OR2A12: variants seen among roughly 807,000 people sequenced by gnomAD.
The protein encoded by OR2A12 is olfactory receptor 2A12.
For synonymous variants in OR2A12, 153 were observed against 149.3 expected, an observed-to-expected ratio of 1.02 and a Z score of -0.18; for missense variants, 380 against 372.5, an observed-to-expected ratio of 1.02 and a Z score of -0.17.
chr7:144,087,504 G>A (rs867963633), intron 1 of OR2A12, among the ~76,000 whole-genome samples: 8 of 152,056 alleles, frequency 5.3e-5, no homozygotes, highest in African/African-American at 9.7e-5. Flanking sequence ...GTGGAAATAC[G>A]GTAAAATATT....
In OR2A12 at chr7:144,095,782, G is replaced by A. The variant is rs1479378034; in HGVS notation, c.675G>A (p.Leu225=). ...ACTTGCACATCCTGGTGGCCATCTT[G>A]AGGATCCAGTCTGGGGAGGGCCGCA... ...VSYLHILVAI[L]RIQSGEGRRK... Residue 225 remains leucine (L), a synonymous_variant, in exon 2 of 2, where the codon TTG becomes TTA. Coordinates refer to ENST00000641592, the MANE Select transcript of OR2A12 (RefSeq NM_001004135.2). The A allele has an allele frequency of 6.2e-7, 1 of 1,613,982 alleles. No homozygotes were observed. Among genetic ancestry groups the A allele is most frequent in the Admixed American group, 1.7e-5 (1 of 59,998 alleles).
chr7:144,096,692 T>G lies in OR2A12; in HGVS notation c.*652T>G, dbSNP rs1465083758. 6.6e-6 allele frequency: 1 copy of G among 152,022 alleles called. No homozygotes were observed. The highest frequency in any genetic ancestry group is 2.4e-5 in the African/African-American group (1 of 41,372). The allele number at this position is 152,022 out of a possible 1,614,324, so 9.4% of individuals were successfully genotyped here. ...CTTAAAATGCAGCAATAATTTAACA[T>G]TAAAACAAACAACAAAAATAACTTC... On this transcript the variant is annotated 3_prime_UTR_variant, in exon 2 of 2. Transcript: ENST00000641592.
rs2051269322 is a variant in OR2A12, at chr7:144,096,981, T to A, written c.*941T>A. 1 of 152,024 alleles carries A rather than the reference T, an allele frequency of 6.6e-6. No homozygotes were observed. Among genetic ancestry groups the A allele is most frequent in the African/African-American group, 2.4e-5 (1 of 41,364 alleles). The allele number at this position is 152,024 out of a possible 1,614,324, so 9.4% of individuals were successfully genotyped here. A position where few individuals can be genotyped will look rare whatever the true frequency, so the allele number is the denominator to read the frequency against. On this transcript the variant is annotated 3_prime_UTR_variant, in exon 2 of 2. Transcript: ENST00000641592. ...TCTTGATTTCACTTTTTACTAGAGA[T>A]CCTAACCAATACAGTTAGACAAAAA...
intron 1 of OR2A12, among the ~76,000 whole-genome samples, chr7:144,091,087 T>C (rs1425563824): frequency 6.6e-6 from 1 of 152,264 alleles, no homozygotes; most frequent in East Asian, 1.9e-4. Context: ...ATTCTGTTTT[T>C]AGTTCTTTAA....
chr7:144,087,411 T>C (rs188483631), intron 1 of OR2A12, among the ~76,000 whole-genome samples: 49 of 152,332 alleles, frequency 3.2e-4, no homozygotes, highest in Non-Finnish European at 6.2e-4. Context: ...GTCTTCATCT[T>C]ATGGAAACCC....
chr7:144,090,537 C>T (rs541370975), intron 1 of OR2A12, among the ~76,000 whole-genome samples: 13 of 152,090 alleles, frequency 8.5e-5, no homozygotes, highest in African/African-American at 3.1e-4. Flanking sequence ...TCTTTTTCTT[C>T]TTTTAACTTT....
intron 1 of OR2A12, among the ~76,000 whole-genome samples, chr7:144,087,161 T>G (rs924196536): frequency 2.6e-5 from 4 of 152,226 alleles, no homozygotes; most frequent in African/African-American, 7.2e-5. Context: ...CTGTGATTTC[T>G]TCATTTCTTC....
chr7:144,096,235 A>T lies in OR2A12; in HGVS notation c.*195A>T, dbSNP rs1461653082. ...TTTGGGAGGCTGACCTGGGCGGATT[A>T]CCTGAGGTCAGGAGTTCGAGACCAG... is the stretch of plus-strand genomic sequence containing the variant. On this transcript the variant is annotated 3_prime_UTR_variant, in exon 2 of 2. Coordinates refer to ENST00000641592, the MANE Select transcript of OR2A12 (RefSeq NM_001004135.2). The T allele has an allele frequency of 4.3e-6, 2 of 465,288 alleles. No individual in the cohort carries two copies. Among genetic ancestry groups the T allele is most frequent in the African/African-American group, 3.9e-5 (2 of 50,702 alleles). The allele number at this position is 465,288 out of a possible 1,614,324, so 28.8% of individuals were successfully genotyped here.
At chr7:144,089,867 A>C (rs2051215863) in intron 1 of OR2A12, among the ~76,000 whole-genome samples, 1 of 152,206 alleles carries the variant, frequency 6.6e-6, no homozygotes, top group Non-Finnish European at 1.5e-5. Context: ...ATTGTTTATA[A>C]AATTTACTGA....
At chr7:144,093,640 G>A (rs13232343) in intron 1 of OR2A12, among the ~76,000 whole-genome samples, 28,003 of 101,986 alleles carry the variant, frequency 0.27, 2,994 homozygotes, top group African/African-American at 0.41. Flanking sequence ...CCCCCACCCC[G>A]CAACAGGCCC....
At chr7:144,087,382 T>C (rs956103811) in intron 1 of OR2A12, among the ~76,000 whole-genome samples, 1 of 152,218 alleles carries the variant, frequency 6.6e-6, no homozygotes, top group Non-Finnish European at 1.5e-5. Context: ...TTTTCCTGAT[T>C]TGTGTACCAA....
Position 144,094,968 on chromosome 7 carries a change from G to A in OR2A12, c.-51-89G>A, listed in dbSNP as rs1254374615. ...TGTAAGTCAACATCATAGGACTTTGGGCTGGATGTACCCATGAAATACTGA... is the reference window on the plus strand; with the variant it reads ...TGTAAGTCAACATCATAGGACTTTGAGCTGGATGTACCCATGAAATACTGA... On this transcript the variant is annotated intron_variant, in intron 1 of 1. Transcript: ENST00000641592. 11 of 600,600 alleles carry A rather than the reference G, an allele frequency of 1.8e-5. No individual in the cohort carries two copies. The East Asian group carries it at 2.8e-4, about 15-fold the overall frequency. 37.2% of individuals were successfully genotyped at this position (600,600 alleles called of 1,614,324 possible).
rs9655672 is a variant in OR2A12 at position 144,095,774 on chromosome 7, G to A, written c.667G>A (p.Ala223Thr). The stretch of plus-strand genomic sequence containing the variant: ...GGTCTCCTACTTGCACATCCTGGTG[G>A]CCATCTTGAGGATCCAGTCTGGGGA... ...VLVSYLHILVAILRIQSGEGR... is the reference protein window; with the variant it reads ...VLVSYLHILVTILRIQSGEGR... The change falls in exon 2 of 2, where the codon GCC becomes ACC. Residue 223 changes from alanine (A) to threonine (T), a missense_variant. Physicochemically the swap from Ala to Thr is moderately conservative, Grantham distance 58. Coordinates refer to ENST00000641592, the MANE Select transcript of OR2A12 (RefSeq NM_001004135.2). 1,831 of 1,614,050 alleles carry A rather than the reference G, an allele frequency of 1.1e-3. 30 individuals carry two copies. The African/African-American group carries it at 0.02, about 18-fold the overall frequency.
Position 144,098,275 on chromosome 7 carries a change from C to T in OR2A12, c.*2235C>T, listed in dbSNP as rs1586903553. ...GTTTACAATCAGTAATATACAAGATCGTCGTACACATCAATTTTGTCTTGT... is the reference window on the plus strand; with the variant it reads ...GTTTACAATCAGTAATATACAAGATTGTCGTACACATCAATTTTGTCTTGT... On this transcript the variant is annotated 3_prime_UTR_variant, in exon 2 of 2. Transcript: ENST00000641592. The T allele has an allele frequency of 6.6e-6, 1 of 152,040 alleles. No homozygotes were observed. Among genetic ancestry groups the T allele is most frequent in the African/African-American group, 2.4e-5 (1 of 41,406 alleles). 9.4% of individuals were successfully genotyped at this position (152,040 alleles called of 1,614,324 possible).
In OR2A12 at chr7:144,098,189, T is replaced by A. The variant is rs1333988498; in HGVS notation, c.*2149T>A. On this transcript the variant is annotated 3_prime_UTR_variant, in exon 2 of 2. Coordinates refer to ENST00000641592, the MANE Select transcript of OR2A12 (RefSeq NM_001004135.2). ...CATATCTCTTCAGTCTGTCTTTTTA[T>A]GGCATTATTAAGTACTTGAAGTTTT... 6.6e-6 allele frequency: 1 copy of A among 152,212 alleles called. No individual in the cohort carries two copies. Among genetic ancestry groups the A allele is most frequent in the Non-Finnish European group, 1.5e-5 (1 of 68,032 alleles). 9.4% of individuals were successfully genotyped at this position (152,212 alleles called of 1,614,324 possible). A position where few individuals can be genotyped will look rare whatever the true frequency, so the allele number is the denominator to read the frequency against.
In OR2A12 at chr7:144,098,104, T is replaced by TC. The variant is rs2051279927; in HGVS notation, c.*2068dup. ...GATTTATCAGCTCTCAAGCAGTACA[T>TC]CCCCAAAGACCAGCATATTTCAGAG... On this transcript the variant is annotated 3_prime_UTR_variant, in exon 2 of 2. Transcript: ENST00000641592. 6.6e-6 allele frequency: 1 copy of TC among 152,154 alleles called. No homozygotes were observed. The highest frequency in any genetic ancestry group is 2.4e-5 in the African/African-American group (1 of 41,414). 9.4% of individuals were successfully genotyped at this position (152,154 alleles called of 1,614,324 possible).
Position 144,098,707 on chromosome 7 carries a change from G to C in OR2A12, c.*2667G>C, listed in dbSNP as rs370323021. ...GGGACTTTCTTCTGGCTTTCAGAGA[G>C]TGTCTTCCCACTGTGTCTACACATG... On this transcript the variant is annotated 3_prime_UTR_variant, in exon 2 of 2. Coordinates refer to ENST00000641592, the MANE Select transcript of OR2A12 (RefSeq NM_001004135.2). The C allele has an allele frequency of 6.6e-6, 1 of 152,296 alleles. No homozygotes were observed. Among genetic ancestry groups the C allele is most frequent in the East Asian group, 1.9e-4 (1 of 5,174 alleles). 9.4% of individuals were successfully genotyped at this position (152,296 alleles called of 1,614,324 possible). A position where few individuals can be genotyped will look rare whatever the true frequency, so the allele number is the denominator to read the frequency against.
In OR2A12 at chr7:144,095,141, A is replaced by T; in HGVS notation, c.34A>T (p.Ile12Phe). 1.2e-6 allele frequency: 2 copies of T among 1,612,760 alleles called. No individual in the cohort carries two copies. Among genetic ancestry groups the T allele is most frequent in the Non-Finnish European group, 1.7e-6 (2 of 1,179,330 alleles). The part of the protein sequence containing the change: ...ESNQTWITEV[I>F]LLGFQVDPAL... ...CAATCAGACCTGGATCACAGAAGTC[A>T]TCCTGTTGGGATTCCAGGTGGACCC... Residue 12 changes from isoleucine (I) to phenylalanine (F), a missense_variant, in exon 2 of 2, where the codon ATC becomes TTC. Ile to Phe is a conservative substitution (Grantham distance 21). Transcript: ENST00000641592.
intron 1 of OR2A12, among the ~76,000 whole-genome samples, chr7:144,087,587 A>G (rs1406680083): frequency 6.6e-6 from 1 of 152,256 alleles, no homozygotes; most frequent in Non-Finnish European, 1.5e-5. Flanking sequence ...GCTTTTAAAA[A>G]ATAAACACAA....
Sources: gnomAD v4.1 joint callset for allele counts (sites outside exome capture counted in the v4.1 genomes callset) on GRCh38, gnomAD v4.1.1 for gene constraint, MANE v1.5 for transcripts, NCBI Gene and HGNC (gene_info 2026-07-23, HGNC 2026-07-21) for gene names.